CRISPLD1: variants seen among roughly 807,000 people sequenced by gnomAD.
CRISPLD1 encodes the protein cysteine-rich secretory protein LCCL domain-containing 1.
In CRISPLD1, 60 loss-of-function variants were observed where a neutral mutation model predicts 77.5. The observed-to-expected ratio is 0.77, with a 90% CI of 0.63 to 0.96. CRISPLD1 has a LOEUF of 0.96. Among genes scored for constraint, CRISPLD1 ranks in the 40% least tolerant of loss-of-function variants. CRISPLD1 has a pLI of 0.00. For synonymous variants in CRISPLD1, 195 were observed against 200.1 expected (o/e 0.97, Z 0.22); for missense variants, 623 against 615.8 (o/e 1.01, Z -0.12).
rs911600534 is a variant in CRISPLD1 at position 75,032,174 on chromosome 8, A to T, written c.1452-17A>T. On this transcript the variant is annotated splice_polypyrimidine_tract_variant and intron_variant, in intron 14 of 14. Transcript: ENST00000262207. ...GATGACATCAATATACTTTTCATAT[A>T]TTTTTTTTTTTTGCAGTTTACAGAA... The T allele has an allele frequency of 1.4e-5, 18 of 1,307,560 alleles. No homozygotes were observed. The highest frequency in any genetic ancestry group is 3.0e-5 in the African/African-American group (2 of 66,572). 81.0% of individuals were successfully genotyped at this position (1,307,560 alleles called of 1,614,324 possible). A position where few individuals can be genotyped will look rare whatever the true frequency, so the allele number is the denominator to read the frequency against.
chr8:74,997,786 T>C (rs1330873277), intron 2 of CRISPLD1, among the ~76,000 whole-genome samples: 2 of 152,168 alleles, frequency 1.3e-5, no homozygotes, highest in Non-Finnish European at 2.9e-5. Flanking sequence ...TTTTTCACTA[T>C]TGCTGAGAAT....
chr8:75,011,346 A>G (rs1812927935), intron 2 of CRISPLD1, among the ~76,000 whole-genome samples: 1 of 136,142 alleles, frequency 7.3e-6, no homozygotes. Context: ...TCATTGTTCA[A>G]TTCCCATCTT....
chr8:75,023,073 TAAAA>T (rs397891797), intron 12 of CRISPLD1, among the ~76,000 whole-genome samples: 6 of 112,000 alleles, frequency 5.4e-5, no homozygotes, highest in Non-Finnish European at 7.9e-5. Context: ...AAATTGTAGG[TAAAA>T]AAAAAAAAAA....
chr8:75,012,950 C>T lies in CRISPLD1; in HGVS notation c.438C>T (p.Tyr146=). Residue 146 remains tyrosine, a synonymous_variant, in exon 4 of 15, where the codon TAC becomes TAT. Coordinates refer to ENST00000262207, the MANE Select transcript of CRISPLD1 (RefSeq NM_031461.6). ...SWYDEVKDFS[Y]PYEHECNPYC... is the part of the protein sequence containing the mutation. Reference sequence around the variant, plus strand: ...ATGATGAAGTGAAAGACTTTAGCTACCCATATGAACATGAATGCAACCCAT... The same window carrying T: ...ATGATGAAGTGAAAGACTTTAGCTATCCATATGAACATGAATGCAACCCAT... 6.2e-7 allele frequency: 1 copy of T among 1,612,828 alleles called. No homozygotes were observed. Among genetic ancestry groups the T allele is most frequent in the East Asian group, 2.2e-5 (1 of 44,826 alleles).
At chr8:75,002,085 G>T (rs66679205) in intron 2 of CRISPLD1, among the ~76,000 whole-genome samples, 18,678 of 151,816 alleles carry the variant, frequency 0.12, 1,684 homozygotes, top group African/African-American at 0.25. Flanking sequence ...AGTTAATTGT[G>T]TAAGAATTTA....
chr8:74,986,278 GA>G, intron 2 of CRISPLD1, 33 bp downstream of exon 2: 1 of 1,589,724 alleles, frequency 6.3e-7, no homozygotes, highest in Non-Finnish European at 8.6e-7. Flanking sequence ...ATGTACAAAA[GA>G]AATGTTTATT....
At chr8:75,025,901 A>G (rs1381071791) in intron 13 of CRISPLD1, among the ~76,000 whole-genome samples, 1 of 152,268 alleles carries the variant, frequency 6.6e-6, no homozygotes. Context: ...GGGAAGGAAA[A>G]TGTGTTTTGT....
chr8:74,987,397 G>A (rs1200078094), intron 2 of CRISPLD1, among the ~76,000 whole-genome samples: 1 of 152,068 alleles, frequency 6.6e-6, no homozygotes, highest in Non-Finnish European at 1.5e-5. Context: ...TCTCTACTTT[G>A]GTTTCCTGGT....
intron 2 of CRISPLD1, among the ~76,000 whole-genome samples, chr8:74,990,913 C>T (rs1396870884): frequency 6.6e-6 from 1 of 152,000 alleles, no homozygotes; most frequent in Non-Finnish European, 1.5e-5. Flanking sequence ...TCGAATCCCT[C>T]TCTTCTATTT....
At chr8:74,998,685 C>CAAAAA (rs368258595) in intron 2 of CRISPLD1, among the ~76,000 whole-genome samples, 5,999 of 49,936 alleles carry the variant, frequency 0.12, 848 homozygotes, top group African/African-American at 0.18. Flanking sequence ...GACTCCATCT[C>CAAAAA]AAAAAAAAAA....
intron 2 of CRISPLD1, among the ~76,000 whole-genome samples, chr8:75,006,905 A>G (rs1587012923): frequency 6.6e-6 from 1 of 152,106 alleles, no homozygotes; most frequent in Non-Finnish European, 1.5e-5. Flanking sequence ...ATATAATCTC[A>G]TAAAACTTTA....
chr8:75,028,271 A>G (rs1490386168), intron 13 of CRISPLD1, among the ~76,000 whole-genome samples: 1 of 152,218 alleles, frequency 6.6e-6, no homozygotes, highest in Non-Finnish European at 1.5e-5. Flanking sequence ...ACAGCTTGGC[A>G]TTCAGACTCT....
chr8:74,985,493 C>G (rs1328644955), intron 1 of CRISPLD1, among the ~76,000 whole-genome samples: 1 of 152,074 alleles, frequency 6.6e-6, no homozygotes, highest in Non-Finnish European at 1.5e-5. Flanking sequence ...AAAATAATAC[C>G]AAATAAAATA....
At chr8:74,999,942 A>G (rs1470743191) in intron 2 of CRISPLD1, among the ~76,000 whole-genome samples, 1 of 151,516 alleles carries the variant, frequency 6.6e-6, no homozygotes, top group Non-Finnish European at 1.5e-5. Context: ...GTGAAAGTGA[A>G]ATACAGCCAC....
intron 2 of CRISPLD1, among the ~76,000 whole-genome samples, chr8:75,001,677 C>T (rs1043439404): frequency 3.9e-5 from 6 of 152,080 alleles, no homozygotes; most frequent in Admixed American, 6.6e-5. Flanking sequence ...CCAGCTGATT[C>T]AATGGGGAGG....
At position 75,034,054 on chromosome 8, in the gene CRISPLD1, T is replaced by C. The variant is rs1476861827; in HGVS notation, c.*1812T>C. On this transcript the variant is annotated 3_prime_UTR_variant, in exon 15 of 15. Coordinates refer to ENST00000262207, the MANE Select transcript of CRISPLD1 (RefSeq NM_031461.6). ...CCATCATCAATTCCACTTACTATTGTAATACCTTCAGCTGGAGCCTGTGTC... is the reference window on the plus strand; with the variant it reads ...CCATCATCAATTCCACTTACTATTGCAATACCTTCAGCTGGAGCCTGTGTC... 5 of 152,086 alleles carry C rather than the reference T, an allele frequency of 3.3e-5. No homozygotes were observed. The highest frequency in any genetic ancestry group is 6.6e-5 in the Admixed American group (1 of 15,264). The allele number at this position is 152,086 out of a possible 1,614,324, so 9.4% of individuals were successfully genotyped here.
rs117924895 is a variant in CRISPLD1, at chr8:75,033,835, A to G, written c.*1593A>G. 0.035 allele frequency: 5,330 copies of G among 152,168 alleles called. 116 individuals carry two copies. Among genetic ancestry groups the G allele is most frequent in the Non-Finnish European group, 0.05 (3,391 of 67,916 alleles). The allele number at this position is 152,168 out of a possible 1,614,324, so 9.4% of individuals were successfully genotyped here. A position where few individuals can be genotyped will look rare whatever the true frequency, so the allele number is the denominator to read the frequency against. On this transcript the variant is annotated 3_prime_UTR_variant, in exon 15 of 15. Coordinates refer to ENST00000262207, the MANE Select transcript of CRISPLD1 (RefSeq NM_031461.6). The stretch of plus-strand genomic sequence containing the variant: ...ATACTGGTAATTAAAACAATGATGT[A>G]TACGTTAAAGATTGCAAAACTTAAA...
At chr8:75,007,103 T>C (rs1349395178) in intron 2 of CRISPLD1, among the ~76,000 whole-genome samples, 2 of 152,192 alleles carry the variant, frequency 1.3e-5, no homozygotes, top group East Asian at 3.8e-4. Flanking sequence ...TTATTAATTA[T>C]TGGTCTTCAA....
chr8:75,002,498 A>C, intron 2 of CRISPLD1, among the ~76,000 whole-genome samples: 1 of 151,236 alleles, frequency 6.6e-6, no homozygotes. Flanking sequence ...GTAAAAAAAA[A>C]AATAATAATA....
Sources: allele counts gnomAD v4.1 joint callset (sites outside exome capture counted in the v4.1 genomes callset), GRCh38; gene constraint gnomAD v4.1.1; transcripts MANE v1.5; gene names NCBI Gene and HGNC (gene_info 2026-07-23, HGNC 2026-07-21).